The following PWWP3A variants were observed in gnomAD, a reference collection of about 807,000 sequenced individuals.
PWWP3A encodes PWWP domain containing 3A, DNA repair factor.
In PWWP3A, 53 loss-of-function variants were observed where a neutral mutation model predicts 79.0. That is an observed-to-expected ratio of 0.67 (90% CI 0.54 to 0.84). The LOEUF is 0.84. PWWP3A is among the 40% of genes least tolerant of loss of function. PWWP3A has a pLI of 0.00. For missense variants in PWWP3A, 973 were observed against 948.0 expected, an observed-to-expected ratio of 1.03 and a Z score of -0.35; for synonymous variants, 443 against 394.4, an observed-to-expected ratio of 1.12 and a Z score of -1.46.
rs2082242744 is a variant in PWWP3A, at chr19:1,370,919, C to T, written c.1827C>T (p.Ser609=). The T allele has an allele frequency of 1.9e-6, 3 of 1,555,978 alleles. No homozygotes were observed. The South Asian group carries it at 3.6e-5, about 18-fold the overall frequency. Residue 609 remains serine, a synonymous_variant, in exon 12 of 14, where the codon AGC becomes AGT. Coordinates refer to ENST00000591337, the MANE Select transcript of PWWP3A (RefSeq NM_001369789.1). ...SRWLQTFLSS[S]QYVTCVETYL... is the part of the protein sequence containing the mutation. Reference sequence around the variant, plus strand: ...GGCTGCAGACCTTCCTGAGCTCCAGCCAGTACGTGACCTGTGTGGAGACCT... The same window carrying T: ...GGCTGCAGACCTTCCTGAGCTCCAGTCAGTACGTGACCTGTGTGGAGACCT...
chr19:1,365,888 A>AGGTG (rs2082117827), intron 7 of PWWP3A, among the ~76,000 whole-genome samples: 1 of 152,132 alleles, frequency 6.6e-6, no homozygotes, highest in African/African-American at 2.4e-5. Context: ...GGCTGTGGGG[A>AGGTG]GGTGGCAGCG....
At chr19:1,370,445 G>T (rs903682902) in intron 11 of PWWP3A, among the ~76,000 whole-genome samples, 197 bp from the exon 12 acceptor site, 7 of 152,168 alleles carry the variant, frequency 4.6e-5, no homozygotes, top group Admixed American at 1.3e-4. Flanking sequence ...GGCCCAGTGA[G>T]GGGGGAAAGG....
At chr19:1,357,269 A>G (rs1568924905) in intron 3 of PWWP3A, 175 bp downstream of exon 3, 3 of 549,130 alleles carry the variant, frequency 5.5e-6, no homozygotes, top group Non-Finnish European at 6.4e-6. Context: ...GTTTGATTTT[A>G]TGTCAGTTTG....
chr19:1,361,398 G>A (rs867519914), intron 5 of PWWP3A, among the ~76,000 whole-genome samples: 41 of 152,324 alleles, frequency 2.7e-4, no homozygotes, highest in African/African-American at 9.1e-4. Context: ...AAGCAGTAAC[G>A]CATTCCTATT....
rs1453328915 is a variant in PWWP3A at position 1,376,861 on chromosome 19, C to G, written c.*285C>G. The G allele has an allele frequency of 3.2e-6, 1 of 312,490 alleles. No homozygotes were observed. Among genetic ancestry groups the G allele is most frequent in the Non-Finnish European group, 5.9e-6 (1 of 169,624 alleles). 19.4% of individuals were successfully genotyped at this position (312,490 alleles called of 1,614,324 possible). Reference sequence around the variant, plus strand: ...AAAGGACGGAAGCGTATTCACTGTGCGCCAGTACTCCTGGCTGTGCTGTGG... The same window carrying G: ...AAAGGACGGAAGCGTATTCACTGTGGGCCAGTACTCCTGGCTGTGCTGTGG... On this transcript the variant is annotated 3_prime_UTR_variant, in exon 14 of 14. Coordinates refer to ENST00000591337, the MANE Select transcript of PWWP3A (RefSeq NM_001369789.1).
chr19:1,356,897 T>C, intron 2 of PWWP3A, 112 bp from the exon 3 acceptor site: 1 of 773,424 alleles, frequency 1.3e-6, no homozygotes, highest in Non-Finnish European at 2.1e-6. Flanking sequence ...ATATCTGAAA[T>C]CCCATGGTTA....
chr19:1,375,520 TCATATAA>T (rs2082351348), intron 13 of PWWP3A, among the ~76,000 whole-genome samples: 1 of 83,120 alleles, frequency 1.2e-5, no homozygotes, highest in Non-Finnish European at 2.3e-5. Flanking sequence ...ATATATAAAA[TCATATAA>T]TTTATATATT....
At chr19:1,365,543 A>G (rs1416998151) in intron 7 of PWWP3A, among the ~76,000 whole-genome samples, 1 of 152,226 alleles carries the variant, frequency 6.6e-6, no homozygotes, top group Non-Finnish European at 1.5e-5. Flanking sequence ...CGGGGATTGA[A>G]TCTGTGTGGT....
At chr19:1,375,549 A>ATATAATTT (rs2082356672) in intron 13 of PWWP3A, among the ~76,000 whole-genome samples, 5 of 3,422 alleles carry the variant, frequency 1.5e-3, no homozygotes, top group South Asian at 7.6e-3. Flanking sequence ...TATATATAAA[A>ATATAATTT]TATATATTAT....
intron 4 of PWWP3A, chr19:1,359,318 G>A (rs1373776681): frequency 6.6e-6 from 1 of 151,982 alleles, no homozygotes. Context: ...TGTGTCTTCC[G>A]AAAAACAGCT....
intron 13 of PWWP3A, 79 bp from the exon 14 acceptor site, chr19:1,376,440 G>T (rs368121766): frequency 1.4e-6 from 2 of 1,463,306 alleles, no homozygotes; most frequent in Admixed American, 1.7e-5. Flanking sequence ...AGGCGTGAGC[G>T]ACCACACCCA....
chr19:1,374,349 GAC>G (rs1346693669), intron 13 of PWWP3A: 1 of 152,214 alleles, frequency 6.6e-6, no homozygotes, highest in Non-Finnish European at 1.5e-5. Context: ...TCACGCCGGG[GAC>G]ATGCTCAAAA....
At chr19:1,357,122 T>C (rs757768743) in intron 3 of PWWP3A, 28 bp downstream of exon 3, 93 of 1,542,804 alleles carry the variant, frequency 6.0e-5, no homozygotes, top group Non-Finnish European at 2.4e-5. Flanking sequence ...TTTAATACTG[T>C]TTTTTCCCGT....
intron 5 of PWWP3A, 29 bp from the exon 6 acceptor site, chr19:1,362,221 A>C: frequency 6.3e-7 from 1 of 1,581,030 alleles, no homozygotes; most frequent in Non-Finnish European, 8.6e-7. Context: ...TGCAATGACC[A>C]TGAAAGTCTA....
intron 2 of PWWP3A, 48 bp from the exon 3 acceptor site, chr19:1,356,961 A>T: frequency 6.7e-7 from 1 of 1,495,066 alleles, no homozygotes; most frequent in Non-Finnish European, 9.3e-7. Context: ...ACTGTTTCTC[A>T]CTGTCAGCTG....
In PWWP3A at chr19:1,370,995, G is replaced by A. The variant is rs748597980; in HGVS notation, c.1903G>A (p.Val635Ile). The change falls in exon 12 of 14, where the codon GTC (valine) becomes ATC (isoleucine). Residue 635 changes from valine to isoleucine, a missense_variant. Transcript: ENST00000591337. ...CCTGGTGGTGAAGTACCTGCAGGGC[G>A]TCTACCAGGAGGTGGGGGCCAAGGT... ...LDLVVKYLQG[V>I]YQEVGAKVLQ... The A allele has an allele frequency of 9.6e-6, 15 of 1,568,684 alleles. No individual in the cohort carries two copies. The highest frequency in any genetic ancestry group is 3.8e-5 in the Admixed American group (2 of 53,088).
intron 3 of PWWP3A, 136 bp from the exon 4 acceptor site, chr19:1,358,257 TG>T: frequency 1.4e-6 from 1 of 728,460 alleles, no homozygotes; most frequent in Non-Finnish European, 2.3e-6. Context: ...AATTCCTAGT[TG>T]GCTGTGACTT....
At position 1,362,231 on chromosome 19, in the gene PWWP3A, AAT is replaced by A. The variant is rs752564566; in HGVS notation, c.1112-16_1112-15del. On this transcript the variant is annotated splice_polypyrimidine_tract_variant and intron_variant, in intron 5 of 13. Coordinates refer to ENST00000591337, the MANE Select transcript of PWWP3A (RefSeq NM_001369789.1). Reference sequence around the variant, plus strand: ...GACAATGCAATGACCATGAAAGTCTAATATCACATTATTGGCAGAGTGCCAGT... The same window carrying A: ...GACAATGCAATGACCATGAAAGTCTAATCACATTATTGGCAGAGTGCCAGT... 5 of 1,597,388 alleles carry A rather than the reference AAT, an allele frequency of 3.1e-6. No homozygotes were observed. The highest frequency in any genetic ancestry group is 2.2e-5 in the East Asian group (1 of 44,738).
chr19:1,370,363 AATTGATTCTG>A (rs2082224965), intron 11 of PWWP3A, among the ~76,000 whole-genome samples: 2 of 152,154 alleles, frequency 1.3e-5, no homozygotes, highest in African/African-American at 4.8e-5. Context: ...GACGTGGCTG[AATTGATTCTG>A]CTTGGGCAGT....
Sources: gnomAD v4.1 joint callset for allele counts (sites outside exome capture counted in the v4.1 genomes callset) on GRCh38, gnomAD v4.1.1 for gene constraint, MANE v1.5 for transcripts, NCBI Gene and HGNC (gene_info 2026-07-23, HGNC 2026-07-21) for gene names.